Variants in SOX6 observed in about 807,000 individuals in gnomAD.
SOX6 encodes the protein SRY-box transcription factor 6.
SOX6 carries 11 observed loss-of-function variants against 97.8 expected under a neutral mutation model. The ratio of observed to expected loss-of-function variants is 0.11; its 90% CI spans 0.07 to 0.19. The LOEUF is 0.19. Ranked by LOEUF, SOX6 falls within the 10% of genes least tolerant of loss-of-function variation. The pLI is 1.00. For synonymous variants in SOX6, 360 were observed against 371.4 expected (o/e 0.97, Z 0.35); for missense variants, 810 against 1,039.5 (o/e 0.78, Z 3.04).
chr11:16,563,923 A>G (rs565618177), intron 4 of SOX6, among the ~76,000 whole-genome samples: 1 of 152,332 alleles, frequency 6.6e-6, no homozygotes, highest in South Asian at 2.1e-4. Context: ...CTCATCAGAA[A>G]CCATAGAAGC....
intron 4 of SOX6, among the ~76,000 whole-genome samples, chr11:16,192,034 C>T (rs1851646622): frequency 6.6e-6 from 1 of 151,976 alleles, no homozygotes; most frequent in Admixed American, 6.6e-5. Context: ...ATGAGAAAGG[C>T]AGTTTGTCTT....
intron 12 of SOX6, among the ~76,000 whole-genome samples, chr11:16,025,239 A>G (rs1855182006): frequency 6.6e-6 from 1 of 152,182 alleles, no homozygotes. Flanking sequence ...TCCTACTTAT[A>G]TGTGGTTTCA....
chr11:16,287,296 T>TCACA (rs1338178758), intron 3 of SOX6, among the ~76,000 whole-genome samples: 23 of 120,166 alleles, frequency 1.9e-4, no homozygotes, highest in African/African-American at 7.4e-4. Context: ...TCTCTCTCTC[T>TCACA]CTCACACACA....
At chr11:16,594,684 CTTTTTT>C (rs10653599) in intron 4 of SOX6, among the ~76,000 whole-genome samples, 5 of 68,262 alleles carry the variant, frequency 7.3e-5, no homozygotes, top group African/African-American at 3.1e-4. Context: ...TCGGTTTTTG[CTTTTTT>C]TTTTTTTTTT....
chr11:16,677,995 A>G (rs368858858), intron 3 of SOX6, among the ~76,000 whole-genome samples: 80 of 152,312 alleles, frequency 5.3e-4, no homozygotes, highest in African/African-American at 1.7e-3. Flanking sequence ...AAGTTCTTCT[A>G]TTATCCTTTT....
At chr11:16,324,618 G>A (rs1247637656) in intron 2 of SOX6, among the ~76,000 whole-genome samples, 1 of 151,968 alleles carries the variant, frequency 6.6e-6, no homozygotes, top group Non-Finnish European at 1.5e-5. Context: ...TATGTATGGG[G>A]TACATGTGAT....
At chr11:16,287,278 TCTCTCTCTCTCTCTCTCTCTCACACA>T (rs1312529860) in intron 3 of SOX6, among the ~76,000 whole-genome samples, 2 of 114,040 alleles carry the variant, frequency 1.8e-5, no homozygotes, top group African/African-American at 6.2e-5. Context: ...TCTCTCTCTC[TCTCTCTCTCTCTCTCTCTCTCACACA>T]CACACACACA....
chr11:16,487,977 A>G (rs1465200303), intron 4 of SOX6, among the ~76,000 whole-genome samples: 1 of 152,246 alleles, frequency 6.6e-6, no homozygotes, highest in Non-Finnish European at 1.5e-5. Context: ...ACAGACCAGA[A>G]CAACTTATGG....
In SOX6 at chr11:16,737,892, A is replaced by G. The variant is rs187605004; in HGVS notation, n.219+533T>C. Among the ~76,000 whole-genome samples, 25 of 152,328 alleles carry G rather than the reference A, an allele frequency of 1.6e-4. No individual in the cohort carries two copies. In the East Asian group the frequency reaches 2.5e-3, roughly 15 times the overall value. On this transcript the variant is annotated intron_variant and non_coding_transcript_variant, in intron 1 of 5. Transcript: ENST00000524520. Reference sequence around the variant, plus strand: ...AATTTTATATGTGAATTTAACCTCAATAATTACTTTTTTTAAAAAAGAAAA... The same window carrying G: ...AATTTTATATGTGAATTTAACCTCAGTAATTACTTTTTTTAAAAAAGAAAA...
At chr11:16,569,567 G>GA (rs1481682230) in intron 4 of SOX6, among the ~76,000 whole-genome samples, 8 of 152,084 alleles carry the variant, frequency 5.3e-5, no homozygotes, top group African/African-American at 9.6e-5. Flanking sequence ...CCAAAAATCA[G>GA]AAAAATATGT....
At chr11:16,543,782 G>C (rs917428106) in intron 4 of SOX6, among the ~76,000 whole-genome samples, 1 of 152,108 alleles carries the variant, frequency 6.6e-6, no homozygotes, top group Non-Finnish European at 1.5e-5. Context: ...ATACATTGCT[G>C]GTAGGAATAT....
At chr11:16,505,689 C>T (rs1860774044) in intron 4 of SOX6, among the ~76,000 whole-genome samples, 1 of 152,272 alleles carries the variant, frequency 6.6e-6, no homozygotes, top group South Asian at 2.1e-4. Context: ...CACCTGGATG[C>T]CTAGAAGGGA....
chr11:16,248,456 C>G (rs1853406413), intron 3 of SOX6, among the ~76,000 whole-genome samples: 1 of 152,210 alleles, frequency 6.6e-6, no homozygotes, highest in Non-Finnish European at 1.5e-5. Flanking sequence ...CCTGGACATC[C>G]TGGTGTTTCC....
At chr11:16,306,754 T>C (rs1208908194) in intron 3 of SOX6, among the ~76,000 whole-genome samples, 1 of 151,592 alleles carries the variant, frequency 6.6e-6, no homozygotes, top group Non-Finnish European at 1.5e-5. Flanking sequence ...GCCTCCTGAG[T>C]AGCTGAGACT....
In SOX6 at chr11:16,132,089, TC is replaced by T. The variant is rs1433695863; in HGVS notation, c.778-20167del. Among the ~76,000 whole-genome samples, 3 of 151,538 alleles carry T rather than the reference TC, an allele frequency of 2.0e-5. No individual in the cohort carries two copies. The East Asian group carries it at 5.8e-4, about 29-fold the overall frequency. ...TAAAGCAGGCATTACTTCATTACTT[TC>T]CCATTTTATATATGAGATGACTGTG... On this transcript the variant is annotated intron_variant, in intron 6 of 15. Coordinates refer to ENST00000683767, the MANE Select transcript of SOX6 (RefSeq NM_001367873.1).
At chr11:16,699,528 G>A (rs1848077712) in intron 3 of SOX6, among the ~76,000 whole-genome samples, 1 of 152,118 alleles carries the variant, frequency 6.6e-6, no homozygotes, top group South Asian at 2.1e-4. Context: ...TTAAACAAGT[G>A]ATTCTGCTCT....
chr11:16,502,316 T>G (rs982216181), intron 4 of SOX6, among the ~76,000 whole-genome samples: 6 of 151,400 alleles, frequency 4.0e-5, no homozygotes, highest in African/African-American at 9.7e-5. Flanking sequence ...TGTTGTGGGG[T>G]GGAGGGAGTG....
chr11:16,305,049 A>G (rs1855381879), intron 3 of SOX6, among the ~76,000 whole-genome samples: 1 of 152,188 alleles, frequency 6.6e-6, no homozygotes, highest in South Asian at 2.1e-4. Flanking sequence ...CTTGATCCAT[A>G]CAGTAAAAAA....
At chr11:16,614,456 A>G (rs1848444530) in intron 3 of SOX6, among the ~76,000 whole-genome samples, 1 of 152,190 alleles carries the variant, frequency 6.6e-6, no homozygotes, top group East Asian at 1.9e-4. Flanking sequence ...ATAGTCGCCC[A>G]TTTCTCAGGA....
Sources: allele counts gnomAD v4.1 joint callset (sites outside exome capture counted in the v4.1 genomes callset), GRCh38; gene constraint gnomAD v4.1.1; transcripts MANE v1.5; gene names NCBI Gene and HGNC (gene_info 2026-07-23, HGNC 2026-07-21).